CCSER1: variants seen among roughly 807,000 people sequenced by gnomAD.
The protein encoded by CCSER1 is serine-rich coiled-coil domain-containing protein 1.
Under a neutral mutation model 82.0 loss-of-function variants are expected in CCSER1, and 41 were observed. The ratio of observed to expected loss-of-function variants is 0.50; its 90% CI spans 0.39 to 0.65. The LOEUF is 0.65. Among genes scored for constraint, CCSER1 ranks in the 30% least tolerant of loss-of-function variants. The probability of loss-of-function intolerance (pLI) is 0.00; values close to 1 mark genes in which losing one functional copy is unlikely to be tolerated. For synonymous variants in CCSER1, 414 were observed against 383.9 expected (o/e 1.08, Z -0.92); for missense variants, 1,119 against 1,064.2 (o/e 1.05, Z -0.72).
intron 10 of CCSER1, among the ~76,000 whole-genome samples, chr4:91,581,164 ATTAG>A (rs559933611): frequency 1.1e-3 from 166 of 151,884 alleles, no homozygotes; most frequent in African/African-American, 3.4e-3. Context: ...ATAGAAGTTA[ATTAG>A]TAAGTAGAGA....
chr4:90,831,213 A>G (rs1290552690), intron 8 of CCSER1, among the ~76,000 whole-genome samples: 1 of 152,164 alleles, frequency 6.6e-6, no homozygotes, highest in Non-Finnish European at 1.5e-5. Flanking sequence ...TTATGGAGAA[A>G]GGAAGGTAGG....
chr4:91,481,611 C>T (rs1390541518), intron 10 of CCSER1, among the ~76,000 whole-genome samples: 1 of 152,030 alleles, frequency 6.6e-6, no homozygotes, highest in Non-Finnish European at 1.5e-5. Flanking sequence ...AGCTATTCCA[C>T]AAAATAAGAT....
chr4:90,824,113 A>C (rs1413048196), intron 8 of CCSER1, among the ~76,000 whole-genome samples: 2 of 152,026 alleles, frequency 1.3e-5, no homozygotes, highest in African/African-American at 2.4e-5. Flanking sequence ...ATATGAACTC[A>C]AGAAAGCCAG....
At chr4:91,173,634 T>A (rs1733006389) in intron 10 of CCSER1, among the ~76,000 whole-genome samples, 1 of 148,466 alleles carries the variant, frequency 6.7e-6, no homozygotes. Flanking sequence ...TAAGAGTCTC[T>A]CAGAGGCATT....
intron 9 of CCSER1, among the ~76,000 whole-genome samples, chr4:91,044,870 G>A (rs761814541): frequency 5.1e-4 from 78 of 152,220 alleles, no homozygotes; most frequent in African/African-American, 1.8e-3. Flanking sequence ...CTCCCTGTCC[G>A]AAATGCTTGA....
intron 1 of CCSER1, among the ~76,000 whole-genome samples, chr4:90,269,460 G>T (rs1248776681): frequency 6.6e-6 from 1 of 151,904 alleles, no homozygotes; most frequent in Non-Finnish European, 1.5e-5. Flanking sequence ...AGATTAACAA[G>T]GAAACTGAAA....
intron 3 of CCSER1, among the ~76,000 whole-genome samples, chr4:90,397,378 A>T (rs1752116145): frequency 6.6e-6 from 1 of 152,188 alleles, no homozygotes; most frequent in Non-Finnish European, 1.5e-5. Context: ...TTCCCTGTTC[A>T]AAAAATAAAA....
chr4:90,945,193 T>C (rs898189939), intron 9 of CCSER1, among the ~76,000 whole-genome samples: 3 of 152,142 alleles, frequency 2.0e-5, no homozygotes, highest in African/African-American at 7.2e-5. Flanking sequence ...TCAGTTTTTT[T>C]TCTGGATGTG....
intron 1 of CCSER1, among the ~76,000 whole-genome samples, chr4:90,256,736 AT>A (rs1205221067): frequency 9.2e-5 from 14 of 152,152 alleles, no homozygotes; most frequent in African/African-American, 1.4e-4. Context: ...GTCACTGATC[AT>A]TTTATTTACT....
chr4:90,274,441 C>CG (rs11423804), intron 1 of CCSER1, among the ~76,000 whole-genome samples: 1,869 of 152,210 alleles, frequency 0.012, 26 homozygotes, highest in African/African-American at 0.036. Flanking sequence ...TACGTGTTAT[C>CG]TATCAGCTTT....
chr4:90,653,094 T>G (rs528144462), intron 6 of CCSER1, among the ~76,000 whole-genome samples: 1 of 152,238 alleles, frequency 6.6e-6, no homozygotes, highest in East Asian at 1.9e-4. Flanking sequence ...CTACTTGTCT[T>G]TATAAAATAG....
chr4:90,566,665 C>G (rs981921760), intron 5 of CCSER1, among the ~76,000 whole-genome samples: 4 of 150,460 alleles, frequency 2.7e-5, no homozygotes, highest in Non-Finnish European at 4.4e-5. Context: ...TGCAGTGGCG[C>G]AATCTCGGCT....
At chr4:90,397,917 C>T (rs1008683040) in intron 3 of CCSER1, among the ~76,000 whole-genome samples, 1 of 152,120 alleles carries the variant, frequency 6.6e-6, no homozygotes, top group Non-Finnish European at 1.5e-5. Context: ...TTGTTCTGTC[C>T]TTCACTGCTT....
chr4:91,166,604 G>GT (rs1272110979), intron 10 of CCSER1, among the ~76,000 whole-genome samples: 2 of 152,182 alleles, frequency 1.3e-5, no homozygotes, highest in Admixed American at 6.5e-5. Context: ...TTATAAGTCA[G>GT]TTTTTATATT....
chr4:90,763,761 C>G (rs1750765952), intron 7 of CCSER1, among the ~76,000 whole-genome samples: 1 of 152,132 alleles, frequency 6.6e-6, no homozygotes, highest in Non-Finnish European at 1.5e-5. Context: ...GTAGCTCTTC[C>G]TCACTGAGTC....
chr4:90,240,277 G>A (rs540701465), intron 1 of CCSER1, among the ~76,000 whole-genome samples: 51 of 152,294 alleles, frequency 3.3e-4, no homozygotes, highest in Non-Finnish European at 6.3e-4. Context: ...AGGACTGCCA[G>A]AGGGGAGGGG....
At chr4:90,394,605 G>T (rs916542008) in intron 3 of CCSER1, among the ~76,000 whole-genome samples, 9 of 151,984 alleles carry the variant, frequency 5.9e-5, no homozygotes, top group Non-Finnish European at 1.3e-4. Flanking sequence ...ATTAGAACAC[G>T]TATTACATAA....
intron 10 of CCSER1, among the ~76,000 whole-genome samples, chr4:91,416,527 T>A (rs551874541): frequency 6.6e-6 from 1 of 151,752 alleles, no homozygotes; most frequent in Non-Finnish European, 1.5e-5. Flanking sequence ...TGTAACAGAA[T>A]AGAGAAAACA....
At chr4:90,192,310 C>G (rs1410429933) in intron 1 of CCSER1, among the ~76,000 whole-genome samples, 1 of 151,992 alleles carries the variant, frequency 6.6e-6, no homozygotes, top group Admixed American at 6.6e-5. Context: ...ATTCAATCAC[C>G]TCCCACCTGG....
Sources: gnomAD v4.1 joint callset for allele counts (sites outside exome capture counted in the v4.1 genomes callset) on GRCh38, gnomAD v4.1.1 for gene constraint, MANE v1.5 for transcripts, NCBI Gene and HGNC (gene_info 2026-07-23, HGNC 2026-07-21) for gene names.